Variants in CCDC28A observed in about 807,000 individuals in gnomAD.
CCDC28A encodes the protein coiled-coil domain-containing protein 28A.
A neutral mutation model predicts 22.1 loss-of-function variants in CCDC28A; 24 were observed. The observed-to-expected ratio is 1.09, with a 90% CI of 0.79 to 1.53. CCDC28A has a LOEUF of 1.53. CCDC28A is among the 40% of genes most tolerant of loss of function. CCDC28A has a pLI of 0.00. For missense variants in CCDC28A, 170 were observed against 210.7 expected (o/e 0.81, Z 1.20); for synonymous variants, 83 against 74.7 (o/e 1.11, Z -0.57).
chr6:138,777,951 G>T lies in CCDC28A; in HGVS notation c.158+1673G>T, dbSNP rs189976468. Among the ~76,000 whole-genome samples the T allele has an allele frequency of 2.7e-3, 416 of 152,190 alleles. 1 individual carries two copies. Among genetic ancestry groups the T allele is most frequent in the African/African-American group, 9.6e-3 (400 of 41,508 alleles). ...ATTCCACAGCAGTGTGGGATGGGGG[G>T]CTTCAGATGAGCATTTCTAAGAAGC... On this transcript the variant is annotated intron_variant, in intron 2 of 5. Transcript: ENST00000617445.
At chr6:138,782,875 T>C (rs4895545) in intron 3 of CCDC28A, among the ~76,000 whole-genome samples, 91,953 of 151,986 alleles carry the variant, frequency 0.61, 28,901 homozygotes, top group East Asian at 0.89. Flanking sequence ...CATATTTATT[T>C]AGGATATGTA....
intron 3 of CCDC28A, among the ~76,000 whole-genome samples, chr6:138,784,593 T>C (rs1775065573): frequency 6.6e-6 from 1 of 152,134 alleles, no homozygotes; most frequent in African/African-American, 2.4e-5. Flanking sequence ...ACTCCTGGGC[T>C]CAAGCAGTCC....
At chr6:138,786,713 C>T (rs1295880195) in intron 4 of CCDC28A, among the ~76,000 whole-genome samples, 1 of 152,168 alleles carries the variant, frequency 6.6e-6, no homozygotes, top group Non-Finnish European at 1.5e-5. Flanking sequence ...TTCCTGAACT[C>T]ATACGATCCT....
chr6:138,783,678 T>G (rs1441972006), intron 3 of CCDC28A, among the ~76,000 whole-genome samples: 1 of 151,538 alleles, frequency 6.6e-6, no homozygotes, highest in African/African-American at 2.4e-5. Flanking sequence ...GACCTCATGA[T>G]CCACCCGCCT....
Position 138,793,109 on chromosome 6 carries a change from C to T in CCDC28A, c.*306C>T, listed in dbSNP as rs1024345601. 2 of 303,292 alleles carry T rather than the reference C, an allele frequency of 6.6e-6. No individual in the cohort carries two copies. Among genetic ancestry groups the T allele is most frequent in the Admixed American group, 4.9e-5 (1 of 20,548 alleles). 18.8% of individuals were successfully genotyped at this position (303,292 alleles called of 1,614,324 possible). A position where few individuals can be genotyped will look rare whatever the true frequency, so the allele number is the denominator to read the frequency against. On this transcript the variant is annotated 3_prime_UTR_variant, in exon 6 of 6. Coordinates refer to ENST00000617445, the MANE Select transcript of CCDC28A (RefSeq NM_015439.3). ...CATTGTGCTGATGTTCTTGACAGGG[C>T]GGAGGGATTTCTCTTTCCTGAGCTC... is the stretch of plus-strand genomic sequence containing the variant.
chr6:138,792,613 T>C (rs1775188506), intron 5 of CCDC28A, 136 bp from the exon 6 acceptor site: 1 of 659,842 alleles, frequency 1.5e-6, no homozygotes, highest in East Asian at 2.8e-5. Context: ...AGTGTCTCAG[T>C]AGCAACACAA....
chr6:138,777,707 C>G (rs905824705), intron 2 of CCDC28A, among the ~76,000 whole-genome samples: 1 of 152,156 alleles, frequency 6.6e-6, no homozygotes, highest in Non-Finnish European at 1.5e-5. Flanking sequence ...TGTGACATAA[C>G]ATTGAAGCAG....
chr6:138,784,981 C>G (rs1413084753), intron 3 of CCDC28A, among the ~76,000 whole-genome samples: 1 of 152,196 alleles, frequency 6.6e-6, no homozygotes, highest in Non-Finnish European at 1.5e-5. Context: ...CGTGAGCCAC[C>G]ACGCCTGGCC....
At chr6:138,788,199 A>T (rs1479621263) in intron 4 of CCDC28A, among the ~76,000 whole-genome samples, 167 bp from the exon 5 acceptor site, 1 of 152,046 alleles carries the variant, frequency 6.6e-6, no homozygotes, top group Non-Finnish European at 1.5e-5. Context: ...GGGCTCAAGC[A>T]GTTCTCCCGC....
rs1426418133 is a variant in CCDC28A at position 138,793,284 on chromosome 6, T to C, written c.*481T>C. 6.5e-6 allele frequency: 1 copy of C among 153,794 alleles called. No individual in the cohort carries two copies. Among genetic ancestry groups the C allele is most frequent in the African/African-American group, 2.4e-5 (1 of 41,462 alleles). The allele number at this position is 153,794 out of a possible 1,614,324, so 9.5% of individuals were successfully genotyped here. A position where few individuals can be genotyped will look rare whatever the true frequency, so the allele number is the denominator to read the frequency against. Reference sequence around the variant, plus strand: ...GAAATTAAATAAGTATTTGTGAGATTTGCTATTTTTTAATAAAGTAATTGT... The same window carrying C: ...GAAATTAAATAAGTATTTGTGAGATCTGCTATTTTTTAATAAAGTAATTGT... On this transcript the variant is annotated 3_prime_UTR_variant, in exon 6 of 6. Transcript: ENST00000617445.
At chr6:138,792,459 C>G (rs1163085325) in intron 5 of CCDC28A, among the ~76,000 whole-genome samples, 1 of 151,698 alleles carries the variant, frequency 6.6e-6, no homozygotes, top group East Asian at 1.9e-4. Flanking sequence ...GAGTTCAAGG[C>G]TACAGTGAAG....
chr6:138,780,898 T>G (rs1420102298), intron 3 of CCDC28A, among the ~76,000 whole-genome samples: 2 of 152,198 alleles, frequency 1.3e-5, no homozygotes, highest in Non-Finnish European at 2.9e-5. Context: ...AAAAAGCAAT[T>G]TCAATAATAT....
chr6:138,788,061 A>G (rs888970612), intron 4 of CCDC28A, among the ~76,000 whole-genome samples: 10 of 148,146 alleles, frequency 6.8e-5, no homozygotes, highest in African/African-American at 2.5e-4. Context: ...TCCTGGGCCC[A>G]AACAATCCTC....
At chr6:138,783,731 C>T (rs1256396252) in intron 3 of CCDC28A, among the ~76,000 whole-genome samples, 2 of 151,908 alleles carry the variant, frequency 1.3e-5, no homozygotes, top group African/African-American at 2.4e-5. Flanking sequence ...AGCCACCGCG[C>T]CTGGCCTTGT....
chr6:138,775,976 TG>T, intron 1 of CCDC28A, 102 bp from the exon 2 acceptor site: 1 of 936,524 alleles, frequency 1.1e-6, no homozygotes, highest in Non-Finnish European at 1.7e-6. Flanking sequence ...TTATGCCCTC[TG>T]GAATTCTTGA....
chr6:138,785,207 T>A lies in CCDC28A; in HGVS notation c.323-20T>A. The A allele has an allele frequency of 6.3e-7, 1 of 1,597,140 alleles. No homozygotes were observed. Among genetic ancestry groups the A allele is most frequent in the African/African-American group, 1.3e-5 (1 of 74,712 alleles). ...TTTGAACTGTCCTAATCATTATTAATGTTCTGGAATGTTCCCAAGGAAATG... is the reference window on the plus strand; with the variant it reads ...TTTGAACTGTCCTAATCATTATTAAAGTTCTGGAATGTTCCCAAGGAAATG... On this transcript the variant is annotated intron_variant, in intron 3 of 5. Transcript: ENST00000617445.
At chr6:138,781,709 TTTTCTAC>T (rs1352830133) in intron 3 of CCDC28A, among the ~76,000 whole-genome samples, 1 of 152,194 alleles carries the variant, frequency 6.6e-6, no homozygotes, top group Non-Finnish European at 1.5e-5. Context: ...CTTTTGTCAG[TTTTCTAC>T]TTGGTTATTT....
Position 138,792,778 on chromosome 6 carries a change from AT to A in CCDC28A, c.531del (p.Asp177GlufsTer33), listed in dbSNP as rs762417565. On this transcript the variant is annotated frameshift_variant, in exon 6 of 6. Coordinates refer to ENST00000617445, the MANE Select transcript of CCDC28A (RefSeq NM_015439.3). LOFTEE classifies it high-confidence loss of function. ...AAACTCCATTTGGCAGATGCACAAG[AT>A]GTTCCAAATACTTCTGCTAGCTAAA... Reference protein sequence around the residue: ...IQKLHLADAQDVPNTSAS With the variant: ...IQKLHLADAQXVPNTSAS 10 of 1,609,238 alleles carry A rather than the reference AT, an allele frequency of 6.2e-6. No individual in the cohort carries two copies. The highest frequency in any genetic ancestry group is 7.6e-6 in the Non-Finnish European group (9 of 1,177,732).
chr6:138,779,548 GTTTTC>G (rs996883080), intron 2 of CCDC28A, among the ~76,000 whole-genome samples: 4 of 152,086 alleles, frequency 2.6e-5, no homozygotes, highest in African/African-American at 7.2e-5. Context: ...AGACTTACAA[GTTTTC>G]TTTTCTGCAG....
Sources: allele counts gnomAD v4.1 joint callset (sites outside exome capture counted in the v4.1 genomes callset), GRCh38; gene constraint gnomAD v4.1.1; transcripts MANE v1.5; gene names NCBI Gene and HGNC (gene_info 2026-07-23, HGNC 2026-07-21).